Variants in NFIC observed in about 807,000 individuals in gnomAD.
NFIC encodes the protein nuclear factor 1 C-type.
A neutral mutation model predicts 54.4 loss-of-function variants in NFIC; 12 were observed. That is an observed-to-expected ratio of 0.22 (90% CI 0.14 to 0.36). NFIC has a LOEUF of 0.36. Among genes scored for constraint, NFIC ranks in the 10% least tolerant of loss-of-function variants. The pLI, the probability that NFIC is intolerant of heterozygous loss-of-function variation, is 1.00. For missense variants in NFIC, 575 were observed against 718.2 expected (o/e 0.80, Z 2.28); for synonymous variants, 322 against 319.2 (o/e 1.01, Z -0.09).
At chr19:3,416,548 T>C (rs1214053325) in intron 2 of NFIC, among the ~76,000 whole-genome samples, 1 of 151,242 alleles carries the variant, frequency 6.6e-6, no homozygotes, top group East Asian at 1.9e-4. Context: ...TGAGACAGAG[T>C]TTCACTCTTG....
intron 5 of NFIC, 101 bp downstream of exon 5, chr19:3,434,501 T>TA: frequency 1.4e-6 from 2 of 1,445,726 alleles, no homozygotes; most frequent in Non-Finnish European, 1.8e-6. Context: ...GAATACCTCT[T>TA]TTCACGATTC....
intron 1 of NFIC, 137 bp downstream of exon 1, chr19:3,366,803 C>T: frequency 5.3e-6 from 3 of 566,866 alleles, no homozygotes; most frequent in South Asian, 3.0e-5. Flanking sequence ...CCCCCCGCGC[C>T]GAGGGCTGGG....
chr19:3,366,045 C>A (rs563301394), upstream of NFIC, among the ~76,000 whole-genome samples: 3 of 148,750 alleles, frequency 2.0e-5, no homozygotes, highest in East Asian at 2.1e-4. Flanking sequence ...TTCCCTCCCC[C>A]CTGGCTCTTT....
chr19:3,462,714 TTC>T (rs765819525), intron 10 of NFIC, 36 bp from the exon 11 acceptor site: 3 of 1,611,356 alleles, frequency 1.9e-6, no homozygotes, highest in African/African-American at 1.3e-5. Flanking sequence ...CTCTCCCTTT[TTC>T]TCTCTCCCTC....
chr19:3,398,135 C>A (rs538568909), intron 2 of NFIC, among the ~76,000 whole-genome samples: 4 of 152,262 alleles, frequency 2.6e-5, no homozygotes, highest in African/African-American at 9.6e-5. Flanking sequence ...AGCATTCATC[C>A]GCCGTGCAGA....
chr19:3,429,249 T>TACACACACACACACAC (rs1568443742), intron 3 of NFIC, among the ~76,000 whole-genome samples: 1 of 27,140 alleles, frequency 3.7e-5, no homozygotes, highest in Non-Finnish European at 7.1e-5. Context: ...AAAAAAAAAA[T>TACACACACACACACAC]ATATACACAC....
At chr19:3,366,758 GGCGC>G (rs2080894672) in intron 1 of NFIC, 92 bp downstream of exon 1, 1 of 938,228 alleles carries the variant, frequency 1.1e-6, no homozygotes, top group African/African-American at 1.7e-5. Flanking sequence ...GGACGAAAAA[GGCGC>G]GCGTCCCTCC....
chr19:3,417,992 C>T (rs1261708718), intron 2 of NFIC, among the ~76,000 whole-genome samples: 1 of 151,810 alleles, frequency 6.6e-6, no homozygotes, highest in African/African-American at 2.4e-5. Context: ...TCGCTGATGG[C>T]AGAATATTCT....
intron 2 of NFIC, chr19:3,410,489 G>A (rs919652287): frequency 6.6e-6 from 1 of 152,454 alleles, no homozygotes; most frequent in African/African-American, 2.4e-5. Flanking sequence ...TGTGTTGGAG[G>A]AACAGCGAGG....
chr19:3,456,706 C>T (rs753959761), intron 10 of NFIC, 71 bp downstream of exon 10: 24 of 1,309,822 alleles, frequency 1.8e-5, no homozygotes, highest in South Asian at 1.2e-4. Context: ...GGGCTCAGGG[C>T]GAAGAGGGCC....
intron 2 of NFIC, among the ~76,000 whole-genome samples, chr19:3,395,233 C>T (rs112857294): frequency 0.06 from 9,188 of 152,178 alleles, 928 homozygotes; most frequent in African/African-American, 0.21. Flanking sequence ...GTGGTGCACA[C>T]CTGTAATCCC....
chr19:3,435,199 T>C lies in NFIC; in HGVS notation c.950T>C (p.Met317Thr), dbSNP rs1044225637. 1 of 1,600,680 alleles carries C rather than the reference T, an allele frequency of 6.2e-7. No homozygotes were observed. The highest frequency in any genetic ancestry group is 8.5e-7 in the Non-Finnish European group (1 of 1,172,830). The change falls in exon 6 of 11, where the codon ATG (methionine) becomes ACG (threonine). Residue 317 changes from methionine (M) to threonine (T), a missense_variant. By Grantham distance (81) the Met-to-Thr change is moderately conservative (BLOSUM62 -1). Coordinates refer to ENST00000443272, the MANE Select transcript of NFIC (RefSeq NM_001245002.2). ...AGCAGCCGCAACTGGACGGAGGACA[T>C]GGAAGGAGGTAGGGCTGGTGGCGGG... ...TSSSRNWTED[M>T]EGGISSPVKK...
chr19:3,442,788 A>G (rs910731648), intron 6 of NFIC, among the ~76,000 whole-genome samples: 1 of 151,970 alleles, frequency 6.6e-6, no homozygotes, highest in Non-Finnish European at 1.5e-5. Flanking sequence ...CCTTGGCTCT[A>G]TGGCCTTAGG....
chr19:3,379,477 C>A (rs1380501887), intron 1 of NFIC, among the ~76,000 whole-genome samples: 1 of 151,832 alleles, frequency 6.6e-6, no homozygotes, highest in East Asian at 1.9e-4. Flanking sequence ...TCCTGAGTAG[C>A]CGGGACTACA....
At chr19:3,387,450 C>A (rs549750148) in intron 2 of NFIC, among the ~76,000 whole-genome samples, 4 of 151,982 alleles carry the variant, frequency 2.6e-5, no homozygotes, top group African/African-American at 9.7e-5. Context: ...GAGCCAAGAT[C>A]GCGACACTGC....
At chr19:3,393,216 C>T (rs566119355) in intron 2 of NFIC, among the ~76,000 whole-genome samples, 5 of 152,244 alleles carry the variant, frequency 3.3e-5, no homozygotes, top group East Asian at 1.9e-4. Context: ...TGAGCCACCG[C>T]GCCCAGACTA....
intron 2 of NFIC, among the ~76,000 whole-genome samples, chr19:3,388,656 C>G (rs867218105): frequency 7.3e-5 from 11 of 150,944 alleles, no homozygotes; most frequent in Non-Finnish European, 1.3e-4. Flanking sequence ...GACCATGCCC[C>G]CCCCCAACAA....
intron 2 of NFIC, among the ~76,000 whole-genome samples, chr19:3,412,037 C>T (rs758504): frequency 0.94 from 142,851 of 152,302 alleles, 67,015 homozygotes; most frequent in East Asian, 0.97. Flanking sequence ...ATTTTAAAGC[C>T]TGTAATCGAC....
intron 6 of NFIC, among the ~76,000 whole-genome samples, chr19:3,440,390 C>T (rs557335539): frequency 1.3e-5 from 2 of 151,210 alleles, no homozygotes; most frequent in Non-Finnish European, 1.5e-5. Flanking sequence ...AGCACCTAAA[C>T]GGAGTGGGGA....
Sources: allele counts gnomAD v4.1 joint callset (sites outside exome capture counted in the v4.1 genomes callset), GRCh38; gene constraint gnomAD v4.1.1; transcripts MANE v1.5; gene names NCBI Gene and HGNC (gene_info 2026-07-23, HGNC 2026-07-21).